Variants in SCN11A observed in about 807,000 individuals in gnomAD.
SCN11A encodes the protein sodium channel protein type 11 subunit alpha.
A neutral mutation model predicts 162.2 loss-of-function variants in SCN11A; 122 were observed. The observed-to-expected ratio is 0.75, with a 90% CI of 0.65 to 0.87. The LOEUF is 0.87. Among genes scored for constraint, SCN11A ranks in the 40% least tolerant of loss-of-function variants. The pLI, the probability that SCN11A is intolerant of heterozygous loss-of-function variation, is 0.00. For synonymous variants in SCN11A, 758 were observed against 751.5 expected, an observed-to-expected ratio of 1.01 and a Z score of -0.14; for missense variants, 2,015 against 2,181.6, an observed-to-expected ratio of 0.92 and a Z score of 1.52.
intron 26 of SCN11A, among the ~76,000 whole-genome samples, chr3:38,867,916 T>A (rs2065067743): frequency 6.6e-6 from 1 of 152,192 alleles, no homozygotes; most frequent in African/African-American, 2.4e-5. Flanking sequence ...CCCACTGCTT[T>A]ACTTAATATG....
intron 23 of SCN11A, among the ~76,000 whole-genome samples, chr3:38,872,895 C>G (rs994729483): frequency 1.3e-5 from 2 of 152,130 alleles, no homozygotes; most frequent in African/African-American, 4.8e-5. Flanking sequence ...TTTCATTATA[C>G]TATTTCCTGC....
In SCN11A at chr3:38,899,956, C is replaced by T. The variant is rs1195878001; in HGVS notation, c.1960G>A (p.Ala654Thr). 5 of 1,614,064 alleles carry T rather than the reference C, an allele frequency of 3.1e-6. No homozygotes were observed. The highest frequency in any genetic ancestry group is 2.2e-5 in the South Asian group (2 of 91,068). ...FDSIVALLSF[A>T]DVMNCVLQKR... is the part of the protein sequence containing the mutation. ...TGAAGTACACAGTTCATTACATCTG[C>T]AAAACTCAGAAGAGCAACAATGCTG... The change falls in exon 17 of 30, where the codon GCA (alanine) becomes ACA (threonine). Residue 654 changes from alanine (A) to threonine (T), a missense_variant. Physicochemically the swap from Ala to Thr is moderately conservative, Grantham distance 58. Transcript: ENST00000302328.
At chr3:38,919,438 GAA>G (rs2066011222) in intron 11 of SCN11A, among the ~76,000 whole-genome samples, 1 of 152,122 alleles carries the variant, frequency 6.6e-6, no homozygotes, top group Non-Finnish European at 1.5e-5. Flanking sequence ...TAACCTGAAG[GAA>G]AAAAGAGTTT....
At chr3:38,990,405 G>A (rs1163706767) in intron 2 of SCN11A, among the ~76,000 whole-genome samples, 1 of 152,162 alleles carries the variant, frequency 6.6e-6, no homozygotes, top group East Asian at 1.9e-4. Context: ...AGGAGTGAAA[G>A]GCATGGCGCC....
At position 38,903,595 on chromosome 3, in the gene SCN11A, G is replaced by C. The variant is rs544841516; in HGVS notation, c.1842+270C>G. On this transcript the variant is annotated intron_variant, in intron 16 of 29. Coordinates refer to ENST00000302328, the MANE Select transcript of SCN11A (RefSeq NM_001349253.2). ...ATTTTCTTGATTATCTCAGAGAGCT[G>C]AACTTTTAGGATGTCTGCTTGTATC... is the stretch of plus-strand genomic sequence containing the variant. 3.9e-4 allele frequency among the ~76,000 whole-genome samples: 59 copies of C among 152,246 alleles called. 2 individuals carry two copies. The South Asian group carries it at 0.012, about 32-fold the overall frequency.
intron 22 of SCN11A, among the ~76,000 whole-genome samples, chr3:38,882,506 C>T (rs1377000826): frequency 6.6e-6 from 1 of 151,986 alleles, no homozygotes; most frequent in Non-Finnish European, 1.5e-5. Flanking sequence ...AGGGAAGATG[C>T]ATGATAGAAA....
chr3:38,921,491 T>G (rs1390328769), intron 9 of SCN11A, among the ~76,000 whole-genome samples: 1 of 152,296 alleles, frequency 6.6e-6, no homozygotes, highest in Middle Eastern at 3.4e-3. Context: ...TCCTGCCCTA[T>G]GCCTGCCTCA....
chr3:38,972,797 AAGTC>A (rs2066824337), intron 2 of SCN11A, among the ~76,000 whole-genome samples: 1 of 152,188 alleles, frequency 6.6e-6, no homozygotes, highest in Non-Finnish European at 1.5e-5. Flanking sequence ...AGAAAAAAAA[AAGTC>A]GTTCTAACAC....
chr3:38,946,678 G>A (rs1240945848), intron 6 of SCN11A, 111 bp downstream of exon 6: 1 of 741,516 alleles, frequency 1.3e-6, no homozygotes, highest in Non-Finnish European at 2.3e-6. Context: ...CACTCAGCCA[G>A]TATTTGTAGA....
chr3:39,028,964 C>T (rs1174995300), intron 2 of SCN11A, among the ~76,000 whole-genome samples: 1 of 152,220 alleles, frequency 6.6e-6, no homozygotes, highest in Non-Finnish European at 1.5e-5. Context: ...GGGGACAAGT[C>T]ATATTCAAGC....
intron 2 of SCN11A, among the ~76,000 whole-genome samples, chr3:39,020,943 CA>C (rs371237253): frequency 2.7e-5 from 4 of 148,238 alleles, no homozygotes; most frequent in East Asian, 3.9e-4. Flanking sequence ...AGACTTTATT[CA>C]AAAAAAAATA....
intron 3 of SCN11A, among the ~76,000 whole-genome samples, chr3:38,955,652 T>C (rs2066671858): frequency 6.6e-6 from 1 of 152,218 alleles, no homozygotes; most frequent in Admixed American, 6.5e-5. Context: ...TAGATTGCAT[T>C]GCTAGAAAAT....
At chr3:38,999,865 T>C (rs1444363473) in intron 2 of SCN11A, among the ~76,000 whole-genome samples, 1 of 152,110 alleles carries the variant, frequency 6.6e-6, no homozygotes, top group Non-Finnish European at 1.5e-5. Context: ...GAAAATGAGG[T>C]TCCCCTGCAC....
At chr3:38,886,734 A>G (rs766431163) in intron 19 of SCN11A, among the ~76,000 whole-genome samples, 4 of 147,914 alleles carry the variant, frequency 2.7e-5, no homozygotes, top group Non-Finnish European at 4.4e-5. Context: ...CATGTGGGGT[A>G]CAGAGAGTTT....
intron 20 of SCN11A, among the ~76,000 whole-genome samples, chr3:38,885,682 A>G (rs2065386365): frequency 6.6e-6 from 1 of 152,166 alleles, no homozygotes. Flanking sequence ...TACAGATCAT[A>G]ACCCTGATAG....
chr3:38,913,794 G>T (rs1431679597), intron 11 of SCN11A, among the ~76,000 whole-genome samples: 1 of 152,184 alleles, frequency 6.6e-6, no homozygotes, highest in Non-Finnish European at 1.5e-5. Flanking sequence ...TTCAAGATCA[G>T]ATGGTTGTAG....
intron 3 of SCN11A, among the ~76,000 whole-genome samples, chr3:38,957,721 G>A (rs2066699650): frequency 6.6e-6 from 1 of 152,212 alleles, no homozygotes; most frequent in South Asian, 2.1e-4. Context: ...CTAGGAGAGA[G>A]GACTAAGGCC....
At chr3:38,892,020 C>A (rs1264867094) in intron 19 of SCN11A, among the ~76,000 whole-genome samples, 1 of 152,064 alleles carries the variant, frequency 6.6e-6, no homozygotes, top group African/African-American at 2.4e-5. Flanking sequence ...AAGAGAAAAT[C>A]TTGAAAGTAG....
chr3:38,891,349 A>T (rs2065496659), intron 19 of SCN11A, among the ~76,000 whole-genome samples: 2 of 152,142 alleles, frequency 1.3e-5, no homozygotes, highest in African/African-American at 4.8e-5. Flanking sequence ...AGACTGTGCA[A>T]TCTAAAGAGC....
Sources: gnomAD v4.1 joint callset for allele counts (sites outside exome capture counted in the v4.1 genomes callset) on GRCh38, gnomAD v4.1.1 for gene constraint, MANE v1.5 for transcripts, NCBI Gene and HGNC (gene_info 2026-07-23, HGNC 2026-07-21) for gene names.